AKR1E2: variants seen among roughly 807,000 people sequenced by gnomAD.
The protein encoded by AKR1E2 is 1,5-anhydro-D-fructose reductase.
A neutral mutation model predicts 41.9 loss-of-function variants in AKR1E2; 43 were observed. The ratio of observed to expected loss-of-function variants is 1.03; its 90% confidence interval spans 0.80 to 1.32. AKR1E2 has a LOEUF of 1.32. Ranked by LOEUF, AKR1E2 falls within the 40% of genes most tolerant of loss-of-function variation. AKR1E2 has a pLI of 0.00. For synonymous variants in AKR1E2, 121 were observed against 138.9 expected, an observed-to-expected ratio of 0.87 and a Z score of 0.91; for missense variants, 423 against 396.5, an observed-to-expected ratio of 1.07 and a Z score of -0.57.
intron 2 of AKR1E2, among the ~76,000 whole-genome samples, chr10:4,831,874 G>A (rs1466052014): frequency 1.3e-5 from 2 of 152,174 alleles, no homozygotes; most frequent in East Asian, 1.9e-4. Flanking sequence ...AACTTGTGTT[G>A]TATATAGGAT....
chr10:4,847,284 A>T (rs1431895477), intron 9 of AKR1E2, 54 bp downstream of exon 9: 2 of 1,609,584 alleles, frequency 1.2e-6, no homozygotes, highest in Non-Finnish European at 8.5e-7. Flanking sequence ...AGATTGAATG[A>T]TTGGTGTCTG....
At chr10:4,870,267 C>A in the AKR1E2 span, among the ~76,000 whole-genome samples, 5 of 152,032 alleles carry the variant, frequency 3.3e-5, no homozygotes, top group Non-Finnish European at 7.4e-5. Flanking sequence ...TCTACCACAT[C>A]CATTTAAAAC....
chr10:4,853,937 G>A, the AKR1E2 span, among the ~76,000 whole-genome samples: 1 of 152,154 alleles, frequency 6.6e-6, no homozygotes, highest in Non-Finnish European at 1.5e-5. Flanking sequence ...GCAATGTCAG[G>A]GAGCTACCCT....
the AKR1E2 span, among the ~76,000 whole-genome samples, chr10:4,860,915 G>C: frequency 6.6e-6 from 1 of 152,174 alleles, no homozygotes; most frequent in Admixed American, 6.5e-5. Context: ...ATGCCTCATA[G>C]AGATGCTTCG....
chr10:4,860,178 CTT>C, the AKR1E2 span, among the ~76,000 whole-genome samples: 2 of 152,202 alleles, frequency 1.3e-5, no homozygotes, highest in Non-Finnish European at 2.9e-5. Context: ...TGAACTTAAA[CTT>C]TAACTGACAG....
chr10:4,827,014 T>G (rs1277113186), intron 1 of AKR1E2, among the ~76,000 whole-genome samples: 1 of 145,842 alleles, frequency 6.9e-6, no homozygotes, highest in Non-Finnish European at 1.5e-5. Flanking sequence ...AAGTCGATGC[T>G]GCAGTGAGCT....
rs56142017 is a variant in AKR1E2, at chr10:4,844,540, G to A, written c.837+2036G>A. On this transcript the variant is annotated intron_variant, in intron 8 of 9. Coordinates refer to ENST00000298375, the MANE Select transcript of AKR1E2 (RefSeq NM_001040177.3). ...TGATTGGTCCATTTTACAGAGAGCC[G>A]AGTGGTCTGTTTTGACAGGGTGCTG... 2.6e-5 allele frequency among the ~76,000 whole-genome samples: 4 copies of A among 152,242 alleles called. No homozygotes were observed. In the South Asian group the frequency reaches 8.3e-4, roughly 32 times the overall value.
downstream of AKR1E2, among the ~76,000 whole-genome samples, chr10:4,851,531 G>A (rs1342004503): frequency 1.3e-5 from 2 of 152,198 alleles, no homozygotes; most frequent in African/African-American, 2.4e-5. Flanking sequence ...CTTCTGTCAC[G>A]TATCGCCTCT....
chr10:4,833,313 G>C (rs768138872), intron 2 of AKR1E2, 37 bp from the exon 3 acceptor site: 2 of 1,539,000 alleles, frequency 1.3e-6, no homozygotes, highest in Non-Finnish European at 1.8e-6. Flanking sequence ...CTGGCTCTGG[G>C]TGGGCACGTG....
chr10:4,835,913 CCT>C, intron 4 of AKR1E2, 104 bp downstream of exon 4: 1 of 1,467,446 alleles, frequency 6.8e-7, no homozygotes, highest in Non-Finnish European at 9.2e-7. Flanking sequence ...AGGTTGTCTA[CCT>C]GAGATGTGGG....
intron 2 of AKR1E2, among the ~76,000 whole-genome samples, chr10:4,832,344 G>A (rs899084961): frequency 2.0e-5 from 3 of 152,188 alleles, no homozygotes; most frequent in African/African-American, 4.8e-5. Flanking sequence ...GGAAGTTAAT[G>A]TTCTTCAGGC....
intron 8 of AKR1E2, chr10:4,845,649 G>T: frequency 2.2e-6 from 1 of 450,254 alleles, no homozygotes; most frequent in South Asian, 1.6e-5. Flanking sequence ...GGTGGCAGGG[G>T]GCCACATCGC....
At chr10:4,839,698 G>A (rs1370131523) in intron 5 of AKR1E2, 31 bp from the exon 6 acceptor site, 1 of 1,596,514 alleles carries the variant, frequency 6.3e-7, no homozygotes, top group Admixed American at 1.7e-5. Flanking sequence ...CTAGTGGTCT[G>A]AATTTTATGT....
chr10:4,854,302 C>T, the AKR1E2 span, among the ~76,000 whole-genome samples: 1 of 152,082 alleles, frequency 6.6e-6, no homozygotes, highest in Non-Finnish European at 1.5e-5. Flanking sequence ...CCATATTGAC[C>T]AGGCTGGTCT....
intron 8 of AKR1E2, among the ~76,000 whole-genome samples, 199 bp from the exon 9 acceptor site, chr10:4,846,949 A>G (rs1447812904): frequency 2.0e-5 from 3 of 152,172 alleles, no homozygotes; most frequent in Non-Finnish European, 2.9e-5. Context: ...GGCCAAGCCA[A>G]CACCAGTCAC....
chr10:4,872,563 A>G, the AKR1E2 span, among the ~76,000 whole-genome samples: 1 of 152,166 alleles, frequency 6.6e-6, no homozygotes, highest in Non-Finnish European at 1.5e-5. Context: ...ATTGTTGATT[A>G]ATATTACTGA....
chr10:4,834,909 C>T (rs77996201), intron 3 of AKR1E2, among the ~76,000 whole-genome samples: 5,304 of 152,260 alleles, frequency 0.035, 147 homozygotes, highest in East Asian at 0.12. Context: ...GTATGAGTCC[C>T]GGGCTGCAAT....
chr10:4,854,328 A>G, the AKR1E2 span, among the ~76,000 whole-genome samples: 1 of 152,038 alleles, frequency 6.6e-6, no homozygotes, highest in Admixed American at 6.5e-5. Context: ...TCCTGACCTC[A>G]TGATCTGCCC....
At chr10:4,846,204 G>A (rs1028045053) in intron 8 of AKR1E2, 6 of 249,576 alleles carry the variant, frequency 2.4e-5, no homozygotes, top group Admixed American at 1.4e-4. Context: ...CTCTTGTGGG[G>A]AAGAGCCTGG....
Sources: gnomAD v4.1 joint callset for allele counts (sites outside exome capture counted in the v4.1 genomes callset) on GRCh38, gnomAD v4.1.1 for gene constraint, MANE v1.5 for transcripts, NCBI Gene and HGNC (gene_info 2026-07-23, HGNC 2026-07-21) for gene names.